CAD: variants seen among roughly 807,000 people sequenced by gnomAD.
The protein encoded by CAD is carbamoyl-phosphate synthetase 2, aspartate transcarbamylase, and dihydroorotase.
A neutral mutation model predicts 237.2 loss-of-function variants in CAD; 81 were observed. That is an observed-to-expected ratio of 0.34 (90% CI 0.29 to 0.41). CAD has a LOEUF of 0.41. CAD is among the 10% of genes least tolerant of loss of function. The pLI is 1.00. For missense variants in CAD, 2,181 were observed against 2,951.7 expected, an observed-to-expected ratio of 0.74 and a Z score of 6.05; for synonymous variants, 1,196 against 1,162.8, an observed-to-expected ratio of 1.03 and a Z score of -0.58.
rs1212604772 is a variant in CAD at position 27,243,023 on chromosome 2, A to G, written c.6480+50A>G. The G allele has an allele frequency of 4.1e-6, 6 of 1,469,642 alleles. No homozygotes were observed. The Admixed American group carries it at 8.9e-5, about 22-fold the overall frequency. 91.0% of individuals were successfully genotyped at this position (1,469,642 alleles called of 1,614,324 possible). On this transcript the variant is annotated intron_variant, in intron 42 of 43. Coordinates refer to ENST00000264705, the MANE Select transcript of CAD (RefSeq NM_004341.5). Reference sequence around the variant, plus strand: ...GCCAGGGCTGCTGCCGTAGGGCATCAGATATGAGGACAGAAAGGCTGGGCT... The same window carrying G: ...GCCAGGGCTGCTGCCGTAGGGCATCGGATATGAGGACAGAAAGGCTGGGCT...
intron 15 of CAD, among the ~76,000 whole-genome samples, chr2:27,228,000 C>G (rs1675522795): frequency 6.6e-6 from 1 of 152,184 alleles, no homozygotes; most frequent in South Asian, 2.1e-4. Flanking sequence ...TTTAACAAAT[C>G]TCAAAATAAA....
rs373285537 is a variant in CAD, at chr2:27,236,538, T to A, written c.4314+15T>A. On this transcript the variant is annotated intron_variant, in intron 26 of 43. Coordinates refer to ENST00000264705, the MANE Select transcript of CAD (RefSeq NM_004341.5). This position sits in a 1 kb window ranked among gnomAD's most constrained non-coding sequence, Gnocchi z 4.1. ...TCTTTGTGGAGGTAACTGAGACCCATGTGCTGGGAGGGAGACTGCCAGTGT... is the reference window on the plus strand; with the variant it reads ...TCTTTGTGGAGGTAACTGAGACCCAAGTGCTGGGAGGGAGACTGCCAGTGT... 5.0e-5 allele frequency: 81 copies of A among 1,608,190 alleles called. No individual in the cohort carries two copies. Among genetic ancestry groups the A allele is most frequent in the Non-Finnish European group, 6.8e-5 (80 of 1,179,136 alleles).
Position 27,217,757 on chromosome 2 carries a change from A to G in CAD, c.83-120A>G, listed in dbSNP as rs558242585. ...TACCCCCTTCCCCCATTCGGTGCCC[A>G]TGGGCCCCAGCGCCATAAACCCCTC... On this transcript the variant is annotated intron_variant, in intron 1 of 43. Coordinates refer to ENST00000264705, the MANE Select transcript of CAD (RefSeq NM_004341.5). 91 of 1,436,964 alleles carry G rather than the reference A, an allele frequency of 6.3e-5. No individual in the cohort carries two copies. In the African/African-American group the frequency reaches 1.1e-3, roughly 17 times the overall value. The allele number at this position is 1,436,964 out of a possible 1,614,324, so 89.0% of individuals were successfully genotyped here.
At position 27,224,491 on chromosome 2, in the gene CAD, G is replaced by T; in HGVS notation, c.1254+1G>T. On this transcript the variant is annotated splice_donor_variant, in intron 9 of 43. Coordinates refer to ENST00000264705, the MANE Select transcript of CAD (RefSeq NM_004341.5). LOFTEE classifies it high-confidence loss of function. ...AGAATTTGACTACTCGGGCTCTCAG[G>T]TGAGGCATGTTCCTCCCCACCCTTC... 6.2e-7 allele frequency: 1 copy of T among 1,613,858 alleles called. No homozygotes were observed. The highest frequency in any genetic ancestry group is 8.5e-7 in the Non-Finnish European group (1 of 1,179,836).
Position 27,232,970 on chromosome 2 carries a change from A to G in CAD, c.2893-72A>G. On this transcript the variant is annotated intron_variant, in intron 18 of 43. Coordinates refer to ENST00000264705, the MANE Select transcript of CAD (RefSeq NM_004341.5). The surrounding 1 kb of genome is among the most constrained non-coding windows in gnomAD (Gnocchi z 4.1). The stretch of plus-strand genomic sequence containing the variant: ...GTCTCTGAAGTAGGGGCTTTGGCTT[A>G]GTTTCTCCACGATTTTCTCCACGAT... The G allele has an allele frequency of 9.5e-7, 1 of 1,049,122 alleles. No homozygotes were observed. Among genetic ancestry groups the G allele is most frequent in the East Asian group, 2.4e-5 (1 of 42,260 alleles). 65.0% of individuals were successfully genotyped at this position (1,049,122 alleles called of 1,614,324 possible).
chr2:27,242,589 G>A lies in CAD; in HGVS notation c.6223-31G>A. Reference sequence around the variant, plus strand: ...TGATGTCGGGGGGCACTCAGTCTGGGATCCCTGTGGTGACTGGATTCCTCT... The same window carrying A: ...TGATGTCGGGGGGCACTCAGTCTGGAATCCCTGTGGTGACTGGATTCCTCT... On this transcript the variant is annotated intron_variant, in intron 40 of 43. Transcript: ENST00000264705. This position sits in a 1 kb window ranked among gnomAD's most constrained non-coding sequence, Gnocchi z 6.4. 1.3e-6 allele frequency: 2 copies of A among 1,573,444 alleles called. No individual in the cohort carries two copies. Among genetic ancestry groups the A allele is most frequent in the Non-Finnish European group, 1.7e-6 (2 of 1,155,678 alleles).
chr2:27,240,157 C>T lies in CAD; in HGVS notation c.5497-108C>T. 1.1e-6 allele frequency: 1 copy of T among 887,160 alleles called. No homozygotes were observed. The highest frequency in any genetic ancestry group is 1.8e-6 in the Non-Finnish European group (1 of 559,506). The allele number at this position is 887,160 out of a possible 1,614,324, so 55.0% of individuals were successfully genotyped here. A position where few individuals can be genotyped will look rare whatever the true frequency, so the allele number is the denominator to read the frequency against. ...TTGGGAGGCTGAGGCAGGAGAATTG[C>T]TTGAACCCAGAAGGTCACGCCACTG... On this transcript the variant is annotated intron_variant, in intron 34 of 43. Transcript: ENST00000264705. The surrounding 1 kb of genome is among the most constrained non-coding windows in gnomAD (Gnocchi z 4.6).
chr2:27,233,419 G>C lies in CAD; in HGVS notation c.3099G>C (p.Arg1033=), dbSNP rs767030789. The change falls in exon 20 of 44, where the codon CGG becomes CGC. Residue 1033 remains arginine (R), a synonymous_variant. Coordinates refer to ENST00000264705, the MANE Select transcript of CAD (RefSeq NM_004341.5). This position sits in a 1 kb window ranked among gnomAD's most constrained non-coding sequence, Gnocchi z 6.3. ...MAMALHRQQC[R]VLGTSPEAID... ...TGGCGTTGCATCGGCAGCAGTGCCG[G>C]GTGCTGGGCACCTCCCCTGAAGCCA... 1.7e-5 allele frequency: 28 copies of C among 1,614,224 alleles called. No homozygotes were observed. The South Asian group carries it at 2.9e-4, about 16-fold the overall frequency.
Position 27,225,905 on chromosome 2 carries a change from C to T in CAD, c.1821C>T (p.Asp607=), listed in dbSNP as rs752774919. ...WKEIEYEVVR[D]AYGNCVTVCN... ...AGATTGAGTACGAGGTGGTGAGAGA[C>T]GCCTATGGCAACTGTGTCACGGTGA... Residue 607 remains aspartate (D), a synonymous_variant, in exon 12 of 44, where the codon GAC becomes GAT. Coordinates refer to ENST00000264705, the MANE Select transcript of CAD (RefSeq NM_004341.5). The T allele has an allele frequency of 1.2e-5, 19 of 1,613,934 alleles. No homozygotes were observed. Among genetic ancestry groups the T allele is most frequent in the East Asian group, 8.9e-5 (4 of 44,900 alleles).
chr2:27,238,906 C>T lies in CAD; in HGVS notation c.5063-136C>T, dbSNP rs1676155660. On this transcript the variant is annotated intron_variant, in intron 31 of 43. Coordinates refer to ENST00000264705, the MANE Select transcript of CAD (RefSeq NM_004341.5). ...GGCAGCAGTCCTGTTGCCCTTGTTTCTAGTTCCCAGAAAAAATGAGCATTG... is the reference window on the plus strand; with the variant it reads ...GGCAGCAGTCCTGTTGCCCTTGTTTTTAGTTCCCAGAAAAAATGAGCATTG... 3.3e-6 allele frequency: 3 copies of T among 897,586 alleles called. No individual in the cohort carries two copies. The South Asian group carries it at 5.4e-5, about 16-fold the overall frequency. The allele number at this position is 897,586 out of a possible 1,614,324, so 55.6% of individuals were successfully genotyped here.
chr2:27,233,926 G>A lies in CAD; in HGVS notation c.3400-82G>A. 2 of 1,542,092 alleles carry A rather than the reference G, an allele frequency of 1.3e-6. No homozygotes were observed. The highest frequency in any genetic ancestry group is 2.2e-4 in the Middle Eastern group (1 of 4,524). ...GGCTGGGAACAGTGGGCTATGTGGG[G>A]CTCGTTAAAGGAAGAGACAATCCTA... On this transcript the variant is annotated intron_variant, in intron 21 of 43. Transcript: ENST00000264705. This position sits in a 1 kb window ranked among gnomAD's most constrained non-coding sequence, Gnocchi z 6.3.
intron 15 of CAD, among the ~76,000 whole-genome samples, chr2:27,229,397 G>A (rs2148071850): frequency 6.6e-6 from 1 of 152,098 alleles, no homozygotes; most frequent in Non-Finnish European, 1.5e-5. Flanking sequence ...CTTCTGAGGA[G>A]TGAGACTACA....
At chr2:27,228,077 GT>G (rs1288320969) in intron 15 of CAD, among the ~76,000 whole-genome samples, 17 of 152,338 alleles carry the variant, frequency 1.1e-4, no homozygotes, top group African/African-American at 4.1e-4. Context: ...ACATCGTAGT[GT>G]TTTTAAAACT....
intron 5 of CAD, 34 bp downstream of exon 5, chr2:27,222,694 A>T: frequency 6.2e-7 from 1 of 1,603,016 alleles, no homozygotes; most frequent in South Asian, 1.1e-5. Context: ...GGCCTCAGAC[A>T]AGCAGCTTGG....
rs766558753 is a variant in CAD at position 27,234,179 on chromosome 2, C to G, written c.3571C>G (p.Gln1191Glu). 1.2e-6 allele frequency: 2 copies of G among 1,614,208 alleles called. No individual in the cohort carries two copies. Among genetic ancestry groups the G allele is most frequent in the South Asian group, 2.2e-5 (2 of 91,086 alleles). ...CAAAGCCATTGTGCATGCTGTGGGC[C>G]AGGAGCTACAGGTCACAGGACCCTT... Reference protein sequence around the residue: ...RIKAIVHAVGQELQVTGPFNL... With the variant: ...RIKAIVHAVGEELQVTGPFNL... The change falls in exon 22 of 44, where the codon CAG becomes GAG. Residue 1191 changes from glutamine to glutamate, a missense_variant. This residue lies in a region of CAD where 306 missense variants were observed against 607.9 expected (regional missense o/e 0.50). Coordinates refer to ENST00000264705, the MANE Select transcript of CAD (RefSeq NM_004341.5).
In CAD at chr2:27,240,913, G is replaced by C; in HGVS notation, c.5596G>C (p.Glu1866Gln). The C allele has an allele frequency of 6.2e-7, 1 of 1,614,116 alleles. No homozygotes were observed. Among genetic ancestry groups the C allele is most frequent in the Non-Finnish European group, 8.5e-7 (1 of 1,179,992 alleles). Reference protein sequence around the residue: ...HRASDPGLPAEEPKEKSSRKV... With the variant: ...HRASDPGLPAQEPKEKSSRKV... ...CTGTCCTCTTGTCCTGTTTGCAGCT[G>C]AGGAGCCAAAGGAGAAGTCCTCTCG... Residue 1866 changes from glutamate (E) to glutamine (Q), a missense_variant and splice_region_variant, in exon 36 of 44, where the codon GAG becomes CAG. By Grantham distance (29) the Glu-to-Gln change is conservative. This residue lies in a region of CAD where 203 missense variants were observed against 284.5 expected (regional missense o/e 0.71). Transcript: ENST00000264705. The surrounding 1 kb of genome is among the most constrained non-coding windows in gnomAD (Gnocchi z 4.6).
chr2:27,217,630 G>C lies in CAD; in HGVS notation c.79G>C (p.Val27Leu), dbSNP rs1263607923. 2.5e-6 allele frequency: 4 copies of C among 1,605,908 alleles called. No individual in the cohort carries two copies. The South Asian group carries it at 3.3e-5, about 13-fold the overall frequency. The change falls in exon 1 of 44, where the codon GTG (valine) becomes CTG (leucine). Residue 27 changes from valine (V) to leucine (L), a missense_variant. Val to Leu is a conservative substitution (Grantham distance 32). This residue lies in a region of CAD where 314 missense variants were observed against 339.4 expected (regional missense o/e 0.93). Transcript: ENST00000264705. Reference protein sequence around the residue: ...FGAAVSTAGEVVFQTGMVGYP... With the variant: ...FGAAVSTAGELVFQTGMVGYP... The stretch of plus-strand genomic sequence containing the variant: ...GGCCGCCGTGTCGACTGCCGGGGAA[G>C]TGGGTAAGCAAGCCCGGTTAGGCTG...
chr2:27,232,526 T>G lies in CAD; in HGVS notation c.2724T>G (p.Ala908=), dbSNP rs753752679. ...PAVKQIDTVA[A]EWPAQTNYLY... is the part of the protein sequence containing the mutation. ...TGAAACAGATTGACACAGTTGCAGC[T>G]GAGTGGCCAGCCCAGACAAATTACC... Residue 908 remains alanine, a synonymous_variant, in exon 18 of 44, where the codon GCT becomes GCG. Transcript: ENST00000264705. This position sits in a 1 kb window ranked among gnomAD's most constrained non-coding sequence, Gnocchi z 4.1. The G allele has an allele frequency of 2.5e-6, 4 of 1,614,214 alleles. No homozygotes were observed. In the Admixed American group the frequency reaches 6.7e-5, roughly 27 times the overall value.
chr2:27,232,693 A>C lies in CAD; in HGVS notation c.2891A>C (p.Lys964Thr), dbSNP rs774386841. The change falls in exon 18 of 44, where the codon AAG becomes ACG. Residue 964 changes from lysine (K) to threonine (T), a missense_variant and splice_region_variant. Transcript: ENST00000264705. This position sits in a 1 kb window ranked among gnomAD's most constrained non-coding sequence, Gnocchi z 4.1. ...CAVGCIQQLR[K>T]MGYKTIMVNY... ...GTAGGCTGCATCCAGCAGCTCCGAA[A>C]GGTCAGAGAGTTCATTTTCTTTCCA... The C allele has an allele frequency of 6.2e-7, 1 of 1,614,192 alleles. No homozygotes were observed. Among genetic ancestry groups the C allele is most frequent in the Non-Finnish European group, 8.5e-7 (1 of 1,180,014 alleles).
Sources: gnomAD v4.1 joint callset for allele counts (sites outside exome capture counted in the v4.1 genomes callset) on GRCh38, gnomAD v4.1.1 for gene constraint, gnomAD v4.1.1 regional missense constraint, Gnocchi (gnomAD v3.1) non-coding constraint, MANE v1.5 for transcripts, NCBI Gene and HGNC (gene_info 2026-07-23, HGNC 2026-07-21) for gene names.